SLC41A2: variants seen among roughly 807,000 people sequenced by gnomAD.
The protein encoded by SLC41A2 is SLC41A1-like 1.
In SLC41A2, 32 loss-of-function variants were observed where a neutral mutation model predicts 58.3. That is an observed-to-expected ratio of 0.55 (90% CI 0.41 to 0.74). SLC41A2 has a LOEUF of 0.74. Ranked by LOEUF, SLC41A2 falls within the 30% of genes least tolerant of loss-of-function variation. The probability of loss-of-function intolerance (pLI) is 0.00; values close to 1 mark genes in which losing one functional copy is unlikely to be tolerated. For missense variants in SLC41A2, 514 were observed against 680.6 expected (o/e 0.76, Z 2.72); for synonymous variants, 190 against 235.0 (o/e 0.81, Z 1.75).
chr12:104,873,203 G>A (rs917494705), intron 6 of SLC41A2, among the ~76,000 whole-genome samples: 11 of 150,222 alleles, frequency 7.3e-5, no homozygotes, highest in African/African-American at 2.5e-4. Flanking sequence ...CCCATCCCCC[G>A]TAACTACCAT....
chr12:104,957,062 CAT>C (rs2048195371), intron 1 of SLC41A2, among the ~76,000 whole-genome samples: 1 of 152,226 alleles, frequency 6.6e-6, no homozygotes, highest in South Asian at 2.1e-4. Flanking sequence ...ACTGAAAACA[CAT>C]GTCCACAAAA....
At chr12:104,944,002 G>A (rs1239660376) in intron 1 of SLC41A2, among the ~76,000 whole-genome samples, 2 of 152,020 alleles carry the variant, frequency 1.3e-5, no homozygotes, top group African/African-American at 2.4e-5. Context: ...CCCTCCCTTT[G>A]TATGGGAGCT....
In SLC41A2 at chr12:104,928,346, G is replaced by C. The variant is rs747260653; in HGVS notation, c.182C>G (p.Ala61Gly). Residue 61 changes from alanine to glycine, a missense_variant, in exon 2 of 11, where the codon GCA (alanine) becomes GGA (glycine). Transcript: ENST00000258538. ...TAATCCATCTTGCCAAATGCCGTTTGCTTTTTTGTGCCTGTCTTCTTGGTT... is the reference window on the plus strand; with the variant it reads ...TAATCCATCTTGCCAAATGCCGTTTCCTTTTTTGTGCCTGTCTTCTTGGTT... ...QKNQEDRHKK[A>G]NGIWQDGLST... The C allele has an allele frequency of 6.2e-7, 1 of 1,609,748 alleles. No individual in the cohort carries two copies. Among genetic ancestry groups the C allele is most frequent in the Non-Finnish European group, 8.5e-7 (1 of 1,177,602 alleles).
At chr12:104,851,580 G>A (rs1410277012) in intron 8 of SLC41A2, among the ~76,000 whole-genome samples, 1 of 151,934 alleles carries the variant, frequency 6.6e-6, no homozygotes. Context: ...TAGAGATGGG[G>A]TCTCACTGTG....
rs1004880809 is a variant in SLC41A2 at position 104,879,139 on chromosome 12, A to G, written c.1027+7154T>C. On this transcript the variant is annotated intron_variant, in intron 6 of 10. Transcript: ENST00000258538. The stretch of plus-strand genomic sequence containing the variant: ...TGAAAAGTGTCTGTTCGTATCCTTC[A>G]CCCACTTGTTGATGGGGTTGTTTGA... Among the ~76,000 whole-genome samples, 8 of 152,190 alleles carry G rather than the reference A, an allele frequency of 5.3e-5. 1 individual carries two copies. The highest frequency in any genetic ancestry group is 1.3e-4 in the Admixed American group (2 of 15,280).
chr12:104,889,000 G>T, intron 5 of SLC41A2, 33 bp downstream of exon 5: 1 of 1,515,690 alleles, frequency 6.6e-7, no homozygotes, highest in Non-Finnish European at 8.8e-7. Flanking sequence ...AAATGTAAAA[G>T]GCTATAGAGT....
Position 104,889,051 on chromosome 12 carries a change from T to C in SLC41A2, c.862A>G (p.Ile288Val). The part of the protein sequence containing the change: ...LCSSSVATAF[I>V]ASLLQGIIMV... ...CACTTACCCTGCAGAAGAGATGCAA[T>C]GAAGGCAGTTGCCACACTGCTAGAG... The change falls in exon 5 of 11, where the codon ATT becomes GTT. Residue 288 changes from isoleucine to valine, a missense_variant. Ile to Val is a conservative substitution (Grantham distance 29). Transcript: ENST00000258538. The C allele has an allele frequency of 6.3e-7, 1 of 1,593,028 alleles. No individual in the cohort carries two copies. The highest frequency in any genetic ancestry group is 8.5e-7 in the Non-Finnish European group (1 of 1,174,996).
chr12:104,827,843 C>A (rs548788929), intron 10 of SLC41A2, among the ~76,000 whole-genome samples: 60 of 152,152 alleles, frequency 3.9e-4, no homozygotes, highest in African/African-American at 1.4e-3. Context: ...GTAAGATATA[C>A]CTCTTCAGAG....
chr12:104,919,450 C>T (rs147442042), intron 2 of SLC41A2, among the ~76,000 whole-genome samples: 64 of 152,292 alleles, frequency 4.2e-4, no homozygotes, highest in African/African-American at 1.5e-3. Context: ...GCAGCTGTAC[C>T]ATTTTATATT....
At position 104,804,311 on chromosome 12, in the gene SLC41A2, C is replaced by G. The variant is rs1215918663; in HGVS notation, c.*841G>C. 6.6e-6 allele frequency: 1 copy of G among 150,860 alleles called. No individual in the cohort carries two copies. The highest frequency in any genetic ancestry group is 2.4e-5 in the African/African-American group (1 of 40,902). 9.3% of individuals were successfully genotyped at this position (150,860 alleles called of 1,614,324 possible). ...CACTATGATCTTTGCTATCAGCAATCCAAGATTTAGTTCTTCATCAAAAGT... is the reference window on the plus strand; with the variant it reads ...CACTATGATCTTTGCTATCAGCAATGCAAGATTTAGTTCTTCATCAAAAGT... On this transcript the variant is annotated 3_prime_UTR_variant, in exon 11 of 11. Coordinates refer to ENST00000258538, the MANE Select transcript of SLC41A2 (RefSeq NM_001352171.3).
intron 8 of SLC41A2, among the ~76,000 whole-genome samples, chr12:104,860,117 C>T (rs1213492548): frequency 6.6e-6 from 1 of 152,000 alleles, no homozygotes; most frequent in Admixed American, 6.6e-5. Context: ...ACATGTTTTT[C>T]CCCAAGTAGA....
chr12:104,888,978 A>C (rs2044808673), intron 5 of SLC41A2, 55 bp downstream of exon 5: 1 of 1,458,552 alleles, frequency 6.9e-7, no homozygotes, highest in Non-Finnish European at 9.1e-7. Context: ...CATCTTAAGA[A>C]ATAAACCATT....
At position 104,884,775 on chromosome 12, in the gene SLC41A2, T is replaced by C. The variant is rs183482232; in HGVS notation, c.1027+1518A>G. ...TACAGCCTATTAGTGACAGTCTCTC[T>C]TCACCAATACAGTTAACAGCTTATT... On this transcript the variant is annotated intron_variant, in intron 6 of 10. Transcript: ENST00000258538. 1.8e-3 allele frequency among the ~76,000 whole-genome samples: 276 copies of C among 152,312 alleles called. 3 individuals are homozygous for C. Among genetic ancestry groups the C allele is most frequent in the Non-Finnish European group, 1.8e-4 (12 of 68,026 alleles).
intron 10 of SLC41A2, among the ~76,000 whole-genome samples, chr12:104,808,491 G>C (rs975545608): frequency 6.6e-6 from 1 of 152,084 alleles, no homozygotes; most frequent in Non-Finnish European, 1.5e-5. Flanking sequence ...GAGGATTTTT[G>C]CATCGATGTT....
intron 2 of SLC41A2, among the ~76,000 whole-genome samples, chr12:104,922,791 T>C (rs2046657090): frequency 6.6e-6 from 1 of 151,986 alleles, no homozygotes; most frequent in Non-Finnish European, 1.5e-5. Context: ...CAAAATATTC[T>C]CCACAAATTC....
At chr12:104,885,792 T>G (rs2044627025) in intron 6 of SLC41A2, among the ~76,000 whole-genome samples, 1 of 152,108 alleles carries the variant, frequency 6.6e-6, no homozygotes, top group East Asian at 1.9e-4. Context: ...GATTTTTTTT[T>G]CCCTTTTGTT....
intron 4 of SLC41A2, among the ~76,000 whole-genome samples, chr12:104,892,630 C>T (rs1007050041): frequency 5.9e-5 from 9 of 152,048 alleles, no homozygotes; most frequent in Non-Finnish European, 5.9e-5. Flanking sequence ...CTATAGTAAC[C>T]AAAAGACAGT....
chr12:104,838,081 T>C (rs2042273294), intron 10 of SLC41A2, among the ~76,000 whole-genome samples: 1 of 152,236 alleles, frequency 6.6e-6, no homozygotes, highest in South Asian at 2.1e-4. Context: ...TTTATTTTTA[T>C]GTCTTTGTAG....
chr12:104,904,677 G>A (rs959283294), intron 3 of SLC41A2, among the ~76,000 whole-genome samples: 1 of 96,180 alleles, frequency 1.0e-5, no homozygotes, highest in South Asian at 2.8e-4. Context: ...CCTTCTGGTG[G>A]GTTCGTGGTC....
Sources: gnomAD v4.1 joint callset for allele counts (sites outside exome capture counted in the v4.1 genomes callset) on GRCh38, gnomAD v4.1.1 for gene constraint, MANE v1.5 for transcripts, NCBI Gene and HGNC (gene_info 2026-07-23, HGNC 2026-07-21) for gene names.